The following PCSK5 variants were observed in gnomAD, a reference collection of about 807,000 sequenced individuals.
The protein encoded by PCSK5 is proprotein convertase subtilisin/kexin type 5.
Under a neutral mutation model 233.2 loss-of-function variants are expected in PCSK5, and 129 were observed. The ratio of observed to expected loss-of-function variants is 0.55; its 90% CI spans 0.48 to 0.64. PCSK5 has a LOEUF of 0.64. Ranked by LOEUF, PCSK5 falls within the 30% of genes least tolerant of loss-of-function variation. The probability of loss-of-function intolerance (pLI) is 0.00; values close to 1 mark genes in which losing one functional copy is unlikely to be tolerated. For missense variants in PCSK5, 2,076 were observed against 2,430.1 expected (o/e 0.85, Z 3.06); for synonymous variants, 825 against 879.2 (o/e 0.94, Z 1.09).
In PCSK5 at chr9:76,282,120, C is replaced by CTTTTTTTTT. The variant is rs71372059; in HGVS notation, c.3143-10094_3143-10086dup. 1.0e-3 allele frequency among the ~76,000 whole-genome samples: 15 copies of CTTTTTTTTT among 14,510 alleles called. 4 individuals are homozygous for CTTTTTTTTT. The highest frequency in any genetic ancestry group is 1.5e-3 in the Non-Finnish European group (11 of 7,350). The allele number at this position is 14,510 out of a possible 152,430, so 9.5% of individuals were successfully genotyped here. A position where few individuals can be genotyped will look rare whatever the true frequency, so the allele number is the denominator to read the frequency against. On this transcript the variant is annotated intron_variant, in intron 24 of 37. Transcript: ENST00000674117. ...CTGGAGTGCACCATTCTTTTCTTTG[C>CTTTTTTTTT]TTTTTTTTTTTTTTTTTTTTTTTTT... is the stretch of plus-strand genomic sequence containing the variant.
chr9:76,335,039 C>G (rs536577935), intron 34 of PCSK5, among the ~76,000 whole-genome samples: 1 of 152,312 alleles, frequency 6.6e-6, no homozygotes, highest in South Asian at 2.1e-4. Flanking sequence ...GATCGCACCA[C>G]TGCACTCCAG....
At chr9:76,097,255 T>TTC (rs1487229646) in intron 8 of PCSK5, among the ~76,000 whole-genome samples, 1 of 121,920 alleles carries the variant, frequency 8.2e-6, no homozygotes, top group Non-Finnish European at 1.7e-5. Context: ...TCTTTTTTTT[T>TTC]TTTTTTTTTT....
chr9:76,123,686 T>G (rs1282679065), intron 9 of PCSK5, among the ~76,000 whole-genome samples: 1 of 152,224 alleles, frequency 6.6e-6, no homozygotes. Context: ...TTTTACAGTT[T>G]TAAATTTTGA....
intron 20 of PCSK5, among the ~76,000 whole-genome samples, chr9:76,214,379 G>A (rs934529065): frequency 2.0e-5 from 3 of 152,020 alleles, no homozygotes; most frequent in African/African-American, 7.2e-5. Context: ...ATATTGGAAG[G>A]GGGGTGCCAT....
rs1824408815 is a variant in PCSK5 at position 75,943,368 on chromosome 9, A to G, written c.297+10885A>G. On this transcript the variant is annotated intron_variant, in intron 2 of 37. Transcript: ENST00000674117. The stretch of plus-strand genomic sequence containing the variant: ...TCTAGGGAATAAGTGCAAACAGCAA[A>G]CAAACAAACAAAAACCCAGCAACAA... Among the ~76,000 whole-genome samples, 7 of 151,974 alleles carry G rather than the reference A, an allele frequency of 4.6e-5. No homozygotes were observed. The South Asian group carries it at 1.5e-3, about 31-fold the overall frequency.
intron 27 of PCSK5, among the ~76,000 whole-genome samples, chr9:76,299,773 T>C (rs1564166299): frequency 6.6e-6 from 1 of 152,054 alleles, no homozygotes; most frequent in Non-Finnish European, 1.5e-5. Context: ...GGTGGAAAGG[T>C]TCAGGTATGG....
chr9:76,181,246 C>A, intron 15 of PCSK5, 152 bp from the exon 16 acceptor site: 1 of 623,504 alleles, frequency 1.6e-6, no homozygotes, highest in Non-Finnish European at 2.7e-6. Context: ...GGAAGTTTAA[C>A]AAACAATCTG....
intron 32 of PCSK5, among the ~76,000 whole-genome samples, chr9:76,323,618 G>C (rs145527530): frequency 0.02 from 2,975 of 152,122 alleles, 98 homozygotes; most frequent in African/African-American, 0.069. Context: ...TGGGATTACA[G>C]GTGTGAGTCA....
chr9:76,206,244 A>G (rs1487672877), intron 20 of PCSK5, among the ~76,000 whole-genome samples: 1 of 152,182 alleles, frequency 6.6e-6, no homozygotes, highest in Non-Finnish European at 1.5e-5. Flanking sequence ...TTAACTACAT[A>G]GTCTTAGTAA....
At chr9:76,050,408 T>C (rs1404580590) in intron 5 of PCSK5, among the ~76,000 whole-genome samples, 3 of 152,224 alleles carry the variant, frequency 2.0e-5, no homozygotes, top group Non-Finnish European at 4.4e-5. Context: ...TACAGGTCAT[T>C]ATTTCTTTCA....
intron 5 of PCSK5, among the ~76,000 whole-genome samples, chr9:76,051,956 A>G (rs1300486261): frequency 6.6e-6 from 1 of 152,192 alleles, no homozygotes; most frequent in African/African-American, 2.4e-5. Context: ...TGCAGAAGGA[A>G]AATCATCATG....
chr9:76,198,082 T>C (rs1824770411), intron 20 of PCSK5, among the ~76,000 whole-genome samples: 1 of 152,236 alleles, frequency 6.6e-6, no homozygotes, highest in African/African-American at 2.4e-5. Flanking sequence ...GATGCAGTTA[T>C]GCAGCCTCAC....
chr9:76,340,865 A>G (rs1829814247), intron 35 of PCSK5, among the ~76,000 whole-genome samples: 1 of 151,884 alleles, frequency 6.6e-6, no homozygotes, highest in African/African-American at 2.4e-5. Flanking sequence ...TCAGTCTAAA[A>G]TCCAACCCAT....
chr9:75,901,096 A>G (rs1024645227), intron 1 of PCSK5, among the ~76,000 whole-genome samples: 4 of 152,182 alleles, frequency 2.6e-5, no homozygotes, highest in Non-Finnish European at 5.9e-5. Context: ...TGAGGAGGAA[A>G]GGAAGTATAG....
intron 1 of PCSK5, among the ~76,000 whole-genome samples, chr9:75,930,143 A>G (rs117172881): frequency 0.021 from 3,132 of 152,260 alleles, 51 homozygotes; most frequent in Middle Eastern, 0.055. Flanking sequence ...GGTTATAGGC[A>G]TGAGCCACTG....
intron 8 of PCSK5, among the ~76,000 whole-genome samples, chr9:76,097,443 A>C (rs1019687308): frequency 3.4e-5 from 5 of 145,296 alleles, no homozygotes; most frequent in African/African-American, 1.4e-4. Context: ...TTGTATTTTT[A>C]GTAGAGACGG....
chr9:76,017,426 T>C (rs1437799061), intron 3 of PCSK5, among the ~76,000 whole-genome samples: 1 of 152,182 alleles, frequency 6.6e-6, no homozygotes, highest in East Asian at 1.9e-4. Flanking sequence ...CCATCAACAG[T>C]AGCATGATCA....
In PCSK5 at chr9:76,025,831, A is replaced by T. The variant is rs560061158; in HGVS notation, c.556-1130A>T. Among the ~76,000 whole-genome samples, 3 of 152,362 alleles carry T rather than the reference A, an allele frequency of 2.0e-5. No individual in the cohort carries two copies. The East Asian group carries it at 5.8e-4, about 29-fold the overall frequency. ...AAGTACTCAAATAACCAGAAGTGCT[A>T]TAAAAATGTTCTACTATACTAAAAT... On this transcript the variant is annotated intron_variant, in intron 4 of 37. Transcript: ENST00000674117.
In PCSK5 at chr9:76,296,883, A is replaced by G; in HGVS notation, c.3523+18A>G. 1 of 1,575,178 alleles carries G rather than the reference A, an allele frequency of 6.3e-7. No individual in the cohort carries two copies. The highest frequency in any genetic ancestry group is 1.1e-5 in the South Asian group (1 of 90,276). ...CTGGAATGGTATGTGCCCCCCAAAA[A>G]AGAGGTCACAGGGGTCTAGCGACCT... On this transcript the variant is annotated intron_variant, in intron 27 of 37. Transcript: ENST00000674117.
Sources: allele counts gnomAD v4.1 joint callset (sites outside exome capture counted in the v4.1 genomes callset), GRCh38; gene constraint gnomAD v4.1.1; transcripts MANE v1.5; gene names NCBI Gene and HGNC (gene_info 2026-07-23, HGNC 2026-07-21).